SHANK2: variants seen among roughly 807,000 people sequenced by gnomAD.
SHANK2 encodes the protein SH3 and multiple ankyrin repeat domains 2.
In SHANK2, 43 loss-of-function variants were observed where a neutral mutation model predicts 133.7. The ratio of observed to expected loss-of-function variants is 0.32; its 90% CI spans 0.25 to 0.41. The LOEUF (loss-of-function observed/expected upper bound fraction) is 0.41. Among genes scored for constraint, SHANK2 ranks in the 10% least tolerant of loss-of-function variants. The probability of loss-of-function intolerance (pLI) is 1.00; values close to 1 mark genes in which losing one functional copy is unlikely to be tolerated. For synonymous variants in SHANK2, 1,017 were observed against 952.8 expected (o/e 1.07, Z -1.24); for missense variants, 1,994 against 2,235.8 (o/e 0.89, Z 2.18).
chr11:70,807,862 C>T lies in SHANK2; in HGVS notation c.1494-691G>A, dbSNP rs1354466363. 2.6e-5 allele frequency among the ~76,000 whole-genome samples: 4 copies of T among 151,914 alleles called. No individual in the cohort carries two copies. Among genetic ancestry groups the T allele is most frequent in the African/African-American group, 7.3e-5 (3 of 41,330 alleles). On this transcript the variant is annotated intron_variant, in intron 12 of 25. Coordinates refer to ENST00000601538, the MANE Select transcript of SHANK2 (RefSeq NM_012309.5). This position sits in a 1 kb window ranked among gnomAD's most constrained non-coding sequence, Gnocchi z 4.8. ...AAAAAGTAAACTGTGACACAGGCTA[C>T]ACCATGGGTGAACCTTGGGGACACT...
intron 17 of SHANK2, among the ~76,000 whole-genome samples, chr11:70,601,025 ATC>A (rs1554990955): frequency 9.4e-6 from 1 of 106,272 alleles, no homozygotes; most frequent in Non-Finnish European, 2.3e-5. Flanking sequence ...ATATATCTAT[ATC>A]TATATCTATA....
At chr11:70,802,905 T>C (rs1321978698) in intron 13 of SHANK2, among the ~76,000 whole-genome samples, 2 of 152,196 alleles carry the variant, frequency 1.3e-5, no homozygotes, top group Admixed American at 6.5e-5. Flanking sequence ...CCACGAACCC[T>C]CAGGGGTTCA....
chr11:70,508,964 G>A (rs915712070), intron 17 of SHANK2, among the ~76,000 whole-genome samples: 2 of 152,202 alleles, frequency 1.3e-5, no homozygotes, highest in Admixed American at 1.3e-4. Context: ...GGTGAGATCA[G>A]GGTGATGCTT....
At chr11:71,229,772 A>G (rs1233486690) in intron 1 of SHANK2, among the ~76,000 whole-genome samples, 2 of 151,858 alleles carry the variant, frequency 1.3e-5, no homozygotes, top group South Asian at 2.1e-4. Context: ...AAAGAAAAAA[A>G]AAAAAAAAAA....
chr11:70,502,092 G>T, intron 19 of SHANK2, 114 bp downstream of exon 19: 2 of 1,331,472 alleles, frequency 1.5e-6, no homozygotes, highest in Non-Finnish European at 2.1e-6. Flanking sequence ...GGGTACAGGG[G>T]CAGGAGGGGG....
At chr11:71,149,065 T>C (rs1952710092) in intron 2 of SHANK2, among the ~76,000 whole-genome samples, 1 of 152,042 alleles carries the variant, frequency 6.6e-6, no homozygotes, top group Non-Finnish European at 1.5e-5. Context: ...GGGACACAGA[T>C]GTTTGCCGTA....
At position 71,137,564 on chromosome 11, in the gene SHANK2, G is replaced by A. The variant is rs571790103; in HGVS notation, c.207+9556C>T. 9.2e-5 allele frequency among the ~76,000 whole-genome samples: 14 copies of A among 152,274 alleles called. No individual in the cohort carries two copies. In the South Asian group the frequency reaches 1.5e-3, roughly 16 times the overall value. ...GCCAGGGTGCTGGGTGCAGGGAGCC[G>A]CTAACAGAAGTTCTATCGGTGCCAG... On this transcript the variant is annotated intron_variant, in intron 3 of 25. Transcript: ENST00000601538.
At chr11:70,793,962 T>C (rs1403261044) in intron 14 of SHANK2, among the ~76,000 whole-genome samples, 1 of 152,178 alleles carries the variant, frequency 6.6e-6, no homozygotes, top group Non-Finnish European at 1.5e-5. Context: ...AAATACACCA[T>C]AAAACACTAG....
chr11:71,140,698 C>T (rs1313167429), intron 3 of SHANK2, among the ~76,000 whole-genome samples: 1 of 152,246 alleles, frequency 6.6e-6, no homozygotes, highest in East Asian at 1.9e-4. Flanking sequence ...CAATGGCTCA[C>T]TTCACAAGTG....
At chr11:70,587,683 T>G (rs2136251877) in intron 17 of SHANK2, among the ~76,000 whole-genome samples, 1 of 151,172 alleles carries the variant, frequency 6.6e-6, no homozygotes, top group South Asian at 2.1e-4. Flanking sequence ...GGCAACCCAT[T>G]GTTGAGCACG....
At chr11:70,896,846 A>G (rs1181680207) in intron 10 of SHANK2, among the ~76,000 whole-genome samples, 2 of 152,140 alleles carry the variant, frequency 1.3e-5, no homozygotes, top group Non-Finnish European at 2.9e-5. Context: ...TTACCCATAG[A>G]GCAGCTGAGG....
intron 2 of SHANK2, among the ~76,000 whole-genome samples, chr11:71,196,399 C>T (rs1037580276): frequency 1.3e-5 from 2 of 152,100 alleles, no homozygotes; most frequent in South Asian, 4.2e-4. Flanking sequence ...AATTCTCCCG[C>T]CTCAGCCTCC....
intron 10 of SHANK2, among the ~76,000 whole-genome samples, chr11:70,923,945 G>A (rs981892265): frequency 6.6e-6 from 1 of 152,174 alleles, no homozygotes; most frequent in African/African-American, 2.4e-5. Context: ...GCAGACCGGT[G>A]AACCACTGCC....
chr11:70,623,240 C>T (rs2060856167), intron 17 of SHANK2, among the ~76,000 whole-genome samples: 1 of 152,226 alleles, frequency 6.6e-6, no homozygotes, highest in Admixed American at 6.5e-5. Flanking sequence ...TCCCACCCTT[C>T]CCGCACTTGG....
At chr11:70,886,937 C>T (rs993414856) in intron 11 of SHANK2, among the ~76,000 whole-genome samples, 1 of 152,182 alleles carries the variant, frequency 6.6e-6, no homozygotes, top group Non-Finnish European at 1.5e-5. Flanking sequence ...CTCTCCATAG[C>T]TGCGGAAGGA....
rs887896504 is a variant in SHANK2 at position 70,701,227 on chromosome 11, A to T, written c.1778-2464T>A. On this transcript the variant is annotated intron_variant, in intron 14 of 25. Transcript: ENST00000601538. ...CTATTTCAGTAAAGGAACCATTTCT[A>T]GGCTAGGTAAGGTAGCCAGTGTGTC... Among the ~76,000 whole-genome samples the T allele has an allele frequency of 2.0e-5, 3 of 152,164 alleles. No individual in the cohort carries two copies. In the South Asian group the frequency reaches 6.2e-4, roughly 31 times the overall value.
intron 8 of SHANK2, among the ~76,000 whole-genome samples, chr11:71,076,503 A>ACAAAACAAAAC (rs1388417173): frequency 2.0e-5 from 3 of 148,840 alleles, no homozygotes; most frequent in African/African-American, 7.4e-5. Flanking sequence ...ACAAAACAAA[A>ACAAAACAAAAC]AAAAAACAAA....
intron 3 of SHANK2, among the ~76,000 whole-genome samples, chr11:71,122,132 G>C (rs1342182243): frequency 1.3e-5 from 2 of 152,154 alleles, no homozygotes; most frequent in Non-Finnish European, 2.9e-5. Context: ...TTGACCCAGT[G>C]ATCCCATTAC....
rs782282174 is a variant in SHANK2 at position 70,486,779 on chromosome 11, G to A, written c.3514C>T (p.Pro1172Ser). ...EASAPGEAGR[P>S]LNSTSKAQGP... ...TGGGCTTTGGACGTGGAATTCAGCG[G>A]CCTCCCAGCCTCACCCGGAGCACTG... Residue 1172 changes from proline (P) to serine (S), a missense_variant, in exon 25 of 26, where the codon CCG becomes TCG. Around this residue, in one of 5 missense-constraint regions of SHANK2, gnomAD observed 797 missense variants for 907.4 expected, o/e 0.88. Transcript: ENST00000601538. The surrounding 1 kb of genome is among the most constrained non-coding windows in gnomAD (Gnocchi z 8.0). 6.2e-7 allele frequency: 1 copy of A among 1,611,518 alleles called. No homozygotes were observed.
Sources: gnomAD v4.1 joint callset for allele counts (sites outside exome capture counted in the v4.1 genomes callset) on GRCh38, gnomAD v4.1.1 for gene constraint, gnomAD v4.1.1 regional missense constraint, Gnocchi (gnomAD v3.1) non-coding constraint, MANE v1.5 for transcripts, NCBI Gene and HGNC (gene_info 2026-07-23, HGNC 2026-07-21) for gene names.